The following EPB41L2 variants were observed in gnomAD, a reference collection of about 807,000 sequenced individuals.
EPB41L2 encodes erythrocyte membrane protein band 4.1 like 2.
In EPB41L2, 43 loss-of-function variants were observed where a neutral mutation model predicts 113.0. The observed-to-expected ratio is 0.38, with a 90% CI of 0.30 to 0.49. EPB41L2 has a LOEUF of 0.49. Among genes scored for constraint, EPB41L2 ranks in the 20% least tolerant of loss-of-function variants. The probability of loss-of-function intolerance (pLI) is 0.95; values close to 1 mark genes in which losing one functional copy is unlikely to be tolerated. For missense variants in EPB41L2, 1,147 were observed against 1,223.4 expected, an observed-to-expected ratio of 0.94 and a Z score of 0.93; for synonymous variants, 442 against 436.7, an observed-to-expected ratio of 1.01 and a Z score of -0.15.
In EPB41L2 at chr6:130,937,833, A is replaced by AAAAAAAAAAAAAG. The variant is rs552248781; in HGVS notation, c.706-11125_706-11124insCTTTTTTTTTTTT. 5.1e-4 allele frequency among the ~76,000 whole-genome samples: 77 copies of AAAAAAAAAAAAAG among 150,444 alleles called. 2 individuals carry two copies. The highest frequency in any genetic ancestry group is 1.9e-3 in the African/African-American group (76 of 39,888). On this transcript the variant is annotated intron_variant, in intron 3 of 19. Transcript: ENST00000337057. ...TCCATCTCAAAAAGAAAAAAAAAAA[A>AAAAAAAAAAAAAG]AAGATTAACACAGCCTGCTAAAATA...
intron 1 of EPB41L2, among the ~76,000 whole-genome samples, chr6:131,049,200 G>T (rs115581066): frequency 6.6e-6 from 1 of 152,274 alleles, no homozygotes; most frequent in African/African-American, 2.4e-5. Flanking sequence ...GGGGGAAGAC[G>T]AATGTATTCA....
At chr6:131,004,062 C>T (rs1003879613) in intron 1 of EPB41L2, among the ~76,000 whole-genome samples, 2 of 152,232 alleles carry the variant, frequency 1.3e-5, no homozygotes, top group Non-Finnish European at 2.9e-5. Context: ...GAAGGCCAAA[C>T]TTTACAGCTC....
Position 130,951,312 on chromosome 6 carries a change from C to CTTTTTT in EPB41L2, c.705+3787_705+3792dup, listed in dbSNP as rs34082234. Reference sequence around the variant, plus strand: ...AGAAAAAAGATGCTCAGCCTCAGTACTTTTTTTTTTTTTTTTTTTTTTTTT... The same window carrying CTTTTTT: ...AGAAAAAAGATGCTCAGCCTCAGTACTTTTTTTTTTTTTTTTTTTTTTTTTTTTTTT... On this transcript the variant is annotated intron_variant, in intron 3 of 19. Transcript: ENST00000337057. Among the ~76,000 whole-genome samples the CTTTTTT allele has an allele frequency of 3.3e-4, 17 of 50,846 alleles. 1 individual carries two copies. The highest frequency in any genetic ancestry group is 9.3e-4 in the African/African-American group (7 of 7,514). 33.4% of individuals were successfully genotyped at this position (50,846 alleles called of 152,430 possible).
chr6:131,023,614 G>T (rs974360505), intron 1 of EPB41L2, among the ~76,000 whole-genome samples: 1 of 151,948 alleles, frequency 6.6e-6, no homozygotes, highest in Admixed American at 6.6e-5. Context: ...GAACTCAGGA[G>T]GCAGAGGTTG....
At chr6:130,904,127 T>C (rs1002070382) in intron 6 of EPB41L2, among the ~76,000 whole-genome samples, 4 of 152,058 alleles carry the variant, frequency 2.6e-5, no homozygotes, top group African/African-American at 9.7e-5. Flanking sequence ...TAAGCACACA[T>C]GAGTTATATA....
intron 17 of EPB41L2, among the ~76,000 whole-genome samples, chr6:130,865,096 C>G (rs889640922): frequency 2.6e-5 from 4 of 152,190 alleles, no homozygotes; most frequent in African/African-American, 9.7e-5. Flanking sequence ...CAGGGAGGAA[C>G]AGGGGAATGC....
At chr6:131,012,307 T>C (rs1383079418) in intron 1 of EPB41L2, among the ~76,000 whole-genome samples, 2 of 150,932 alleles carry the variant, frequency 1.3e-5, no homozygotes, top group African/African-American at 4.9e-5. Flanking sequence ...CTGGGCCCTG[T>C]GTTAGCTAAG....
chr6:130,964,483 C>T (rs1422866973), intron 1 of EPB41L2, among the ~76,000 whole-genome samples: 1 of 102,760 alleles, frequency 9.7e-6, no homozygotes, highest in East Asian at 3.1e-4. Flanking sequence ...GTTTCAGCTT[C>T]CTCATAAGCA....
intron 5 of EPB41L2, among the ~76,000 whole-genome samples, chr6:130,906,679 T>A (rs1246239778): frequency 6.6e-6 from 1 of 152,212 alleles, no homozygotes; most frequent in Admixed American, 6.5e-5. Flanking sequence ...TTGTTGGTTG[T>A]CATAGGTAGC....
chr6:130,953,293 C>G, intron 3 of EPB41L2, among the ~76,000 whole-genome samples: 1 of 151,976 alleles, frequency 6.6e-6, no homozygotes, highest in East Asian at 1.9e-4. Flanking sequence ...GAAAGGGAGT[C>G]TCAGGAAAGG....
intron 1 of EPB41L2, among the ~76,000 whole-genome samples, chr6:131,050,274 G>C (rs151208137): frequency 0.049 from 7,419 of 152,188 alleles, 313 homozygotes; most frequent in African/African-American, 0.11. Context: ...GGGAGGCAGA[G>C]GTTGCAGTGA....
At chr6:130,976,144 AG>A (rs969142941) in intron 1 of EPB41L2, among the ~76,000 whole-genome samples, 35 of 152,342 alleles carry the variant, frequency 2.3e-4, no homozygotes, top group African/African-American at 8.4e-4. Context: ...CATGGACAGG[AG>A]TTTCATGACT....
chr6:130,882,654 G>C (rs1789690227), intron 12 of EPB41L2: 1 of 153,040 alleles, frequency 6.5e-6, no homozygotes, highest in Non-Finnish European at 1.5e-5. Flanking sequence ...GGAACTGACT[G>C]AGAAGCAGAC....
rs755372786 is a variant in EPB41L2 at position 130,890,339 on chromosome 6, A to C, written c.1615T>G (p.Phe539Val). The change falls in exon 11 of 20, where the codon TTT becomes GTT. Residue 539 changes from phenylalanine to valine, a missense_variant. Physicochemically the swap from Phe to Val is conservative, Grantham distance 50. Coordinates refer to ENST00000337057, the MANE Select transcript of EPB41L2 (RefSeq NM_001431.4). ...STLIDRPAPH[F>V]ERTSSKRVSR... ...ACCCGTTTACTAGAAGTGCGCTCAAAGTGTGGTGCTGGCCTATCTATGAGG... is the reference window on the plus strand; with the variant it reads ...ACCCGTTTACTAGAAGTGCGCTCAACGTGTGGTGCTGGCCTATCTATGAGG... The C allele has an allele frequency of 2.5e-6, 4 of 1,613,600 alleles. No individual in the cohort carries two copies. The highest frequency in any genetic ancestry group is 1.7e-6 in the Non-Finnish European group (2 of 1,179,762).
At chr6:130,929,966 A>C (rs1040543621) in intron 3 of EPB41L2, among the ~76,000 whole-genome samples, 36 of 152,044 alleles carry the variant, frequency 2.4e-4, no homozygotes, top group Non-Finnish European at 4.1e-4. Flanking sequence ...CAGAAGCCAA[A>C]GGTATCACGA....
chr6:130,908,825 C>T lies in EPB41L2; in HGVS notation c.849G>A (p.Leu283=). 1 of 1,599,718 alleles carries T rather than the reference C, an allele frequency of 6.3e-7. No homozygotes were observed. Among genetic ancestry groups the T allele is most frequent in the Non-Finnish European group, 8.5e-7 (1 of 1,171,076 alleles). ...LDPAKEIKRQ[L]RNLPWLFTFN... ...AATGATTATTTATATACTTACTTCT[C>T]AGTTGTCTCTTTATTTCTTTAGCAG... Residue 283 remains leucine (L), a synonymous_variant, in exon 5 of 20, where the codon CTG becomes CTA. Coordinates refer to ENST00000337057, the MANE Select transcript of EPB41L2 (RefSeq NM_001431.4).
intron 1 of EPB41L2, among the ~76,000 whole-genome samples, chr6:131,040,001 T>C (rs910846752): frequency 2.6e-5 from 4 of 152,178 alleles, no homozygotes; most frequent in African/African-American, 9.7e-5. Flanking sequence ...GCTCAGAAAA[T>C]TGCAACCTAA....
chr6:130,861,361 C>T (rs368186728), intron 18 of EPB41L2, among the ~76,000 whole-genome samples: 13 of 152,102 alleles, frequency 8.5e-5, no homozygotes, highest in Admixed American at 5.2e-4. Context: ...CGTGAGCCAC[C>T]GCCCCCAGCC....
chr6:131,039,093 C>T lies in EPB41L2; in HGVS notation c.-15+24062G>A, dbSNP rs1022931854. Reference sequence around the variant, plus strand: ...AAATTCAGTTATACATTTAAACTCTCGATGAAACCTCATCTGTTTACCCAA... The same window carrying T: ...AAATTCAGTTATACATTTAAACTCTTGATGAAACCTCATCTGTTTACCCAA... On this transcript the variant is annotated intron_variant, in intron 1 of 19. Transcript: ENST00000337057. Among the ~76,000 whole-genome samples the T allele has an allele frequency of 3.3e-5, 5 of 152,212 alleles. No homozygotes were observed. In the East Asian group the frequency reaches 5.8e-4, roughly 18 times the overall value.
Sources: allele counts gnomAD v4.1 joint callset (sites outside exome capture counted in the v4.1 genomes callset), GRCh38; gene constraint gnomAD v4.1.1; transcripts MANE v1.5; gene names NCBI Gene and HGNC (gene_info 2026-07-23, HGNC 2026-07-21).